Variants in WWOX observed in about 807,000 individuals in gnomAD.
WWOX encodes WW domain containing oxidoreductase, also known as WW domain-containing oxidoreductase.
In WWOX, 69 loss-of-function variants were observed where a neutral mutation model predicts 46.2. The ratio of observed to expected loss-of-function variants is 1.49; its 90% CI spans 1.23 to 1.82. The LOEUF is 1.82. Ranked by LOEUF, WWOX falls within the 40% of genes most tolerant of loss-of-function variation. WWOX has a pLI of 0.00. For missense variants in WWOX, 919 were observed against 542.6 expected (o/e 1.69, Z -6.89); for synonymous variants, 359 against 202.6 (o/e 1.77, Z -6.56).
rs367971157 is a variant in WWOX at position 79,144,620 on chromosome 16, TAGGG to T, written c.1057-66984_1057-66981del. On this transcript the variant is annotated intron_variant, in intron 8 of 8. Coordinates refer to ENST00000566780, the MANE Select transcript of WWOX (RefSeq NM_016373.4). ...ATCGAGTGGAAAAAGGAATATTTCT[TAGGG>T]AGGAAAAACCCGACTTTTGACTTTA... Among the ~76,000 whole-genome samples the T allele has an allele frequency of 2.2e-4, 33 of 152,300 alleles. No homozygotes were observed. In the East Asian group the frequency reaches 5.2e-3, roughly 24 times the overall value.
chr16:78,914,125 C>A (rs1469119173), intron 8 of WWOX, among the ~76,000 whole-genome samples: 1 of 152,058 alleles, frequency 6.6e-6, no homozygotes, highest in South Asian at 2.1e-4. Context: ...AGGAGTCTTT[C>A]CTGGCTATCC....
rs144353522 is a variant in WWOX, at chr16:79,023,279, A to G, written c.1057-188329A>G. ...TACTGTTCTCCCTTTGCATTTATGC[A>G]TTGCATGTCTCTGTTGAATTCAGAG... On this transcript the variant is annotated intron_variant, in intron 8 of 8. Coordinates refer to ENST00000566780, the MANE Select transcript of WWOX (RefSeq NM_016373.4). 3.3e-5 allele frequency among the ~76,000 whole-genome samples: 5 copies of G among 152,344 alleles called. No homozygotes were observed. The East Asian group carries it at 7.7e-4, about 24-fold the overall frequency.
intron 8 of WWOX, among the ~76,000 whole-genome samples, chr16:78,673,192 T>A (rs916569932): frequency 6.6e-6 from 1 of 152,118 alleles, no homozygotes; most frequent in Non-Finnish European, 1.5e-5. Flanking sequence ...TGAGGTGAGA[T>A]CAGTAGAAGA....
intron 4 of WWOX, among the ~76,000 whole-genome samples, chr16:78,121,529 A>T (rs989756501): frequency 1.3e-5 from 2 of 152,254 alleles, no homozygotes; most frequent in Non-Finnish European, 2.9e-5. Context: ...AATTTAAAAC[A>T]TTCTAATGAG....
Position 78,674,584 on chromosome 16 carries a change from C to T in WWOX, c.1056+241832C>T, listed in dbSNP as rs563871100. 1.2e-4 allele frequency among the ~76,000 whole-genome samples: 18 copies of T among 152,272 alleles called. No homozygotes were observed. In the South Asian group the frequency reaches 2.1e-3, roughly 18 times the overall value. Reference sequence around the variant, plus strand: ...ACAGGCTTGAGCCACAGCACCCAGCCAGAACTTCATAGTTTACTCTTATTA... The same window carrying T: ...ACAGGCTTGAGCCACAGCACCCAGCTAGAACTTCATAGTTTACTCTTATTA... On this transcript the variant is annotated intron_variant, in intron 8 of 8. Coordinates refer to ENST00000566780, the MANE Select transcript of WWOX (RefSeq NM_016373.4).
intron 5 of WWOX, among the ~76,000 whole-genome samples, chr16:78,245,772 C>T (rs981040090): frequency 2.0e-5 from 3 of 152,168 alleles, no homozygotes; most frequent in Non-Finnish European, 2.9e-5. Flanking sequence ...TTAGTTCTTG[C>T]GGTACAGCGC....
chr16:78,791,059 C>T (rs1160487592), intron 8 of WWOX, among the ~76,000 whole-genome samples: 1 of 143,126 alleles, frequency 7.0e-6, no homozygotes, highest in Admixed American at 7.0e-5. Flanking sequence ...AAAGGAAAAT[C>T]TTCGTTGTTC....
chr16:79,182,169 G>T (rs2050925383), intron 8 of WWOX, among the ~76,000 whole-genome samples: 1 of 151,900 alleles, frequency 6.6e-6, no homozygotes, highest in African/African-American at 2.4e-5. Flanking sequence ...GTTCTTTCTG[G>T]TGGTTCGTTT....
intron 8 of WWOX, among the ~76,000 whole-genome samples, chr16:79,172,262 C>G (rs896800688): frequency 6.6e-6 from 1 of 152,170 alleles, no homozygotes; most frequent in Non-Finnish European, 1.5e-5. Flanking sequence ...GTGTATATCC[C>G]ACAGCTTTGC....
chr16:78,831,477 C>G (rs537279029), intron 8 of WWOX, among the ~76,000 whole-genome samples: 1 of 152,272 alleles, frequency 6.6e-6, no homozygotes, highest in South Asian at 2.1e-4. Flanking sequence ...TGAGTTTATC[C>G]TGTGGCTTTG....
chr16:78,762,862 G>A (rs1198601464), intron 8 of WWOX, among the ~76,000 whole-genome samples: 3 of 152,152 alleles, frequency 2.0e-5, no homozygotes. Flanking sequence ...TAAATGCAAC[G>A]CTACTTTGAA....
chr16:78,593,165 C>T (rs1001837426), intron 8 of WWOX, among the ~76,000 whole-genome samples: 1 of 152,098 alleles, frequency 6.6e-6, no homozygotes, highest in African/African-American at 2.4e-5. Context: ...ACCTTGCTCC[C>T]CTGGAGTGTA....
At chr16:78,385,907 A>G (rs2082050159) in intron 5 of WWOX, among the ~76,000 whole-genome samples, 1 of 152,270 alleles carries the variant, frequency 6.6e-6, no homozygotes, top group African/African-American at 2.4e-5. Context: ...TCCGAAGCGC[A>G]CCCAGATTTA....
intron 5 of WWOX, among the ~76,000 whole-genome samples, chr16:78,168,727 C>T (rs9933973): frequency 0.024 from 3,709 of 152,250 alleles, 137 homozygotes; most frequent in African/African-American, 0.084. Context: ...TCTACCCTGT[C>T]GTCTCTTTAT....
chr16:78,915,957 T>G (rs1395789057), intron 8 of WWOX, among the ~76,000 whole-genome samples: 2 of 152,176 alleles, frequency 1.3e-5, no homozygotes, highest in African/African-American at 4.8e-5. Context: ...TGCCCAGAAA[T>G]GAAGGCCAAT....
At chr16:78,992,709 G>A (rs1363007932) in intron 8 of WWOX, among the ~76,000 whole-genome samples, 1 of 152,076 alleles carries the variant, frequency 6.6e-6, no homozygotes, top group African/African-American at 2.4e-5. Flanking sequence ...CACTTCATAT[G>A]CATTAGCTGG....
chr16:78,869,911 A>G (rs2044089985), intron 8 of WWOX, among the ~76,000 whole-genome samples: 1 of 152,194 alleles, frequency 6.6e-6, no homozygotes, highest in African/African-American at 2.4e-5. Flanking sequence ...CATTTGGAGA[A>G]CATGGGATTT....
chr16:78,830,769 G>C (rs1449888732), intron 8 of WWOX, among the ~76,000 whole-genome samples: 1 of 151,770 alleles, frequency 6.6e-6, no homozygotes, highest in East Asian at 2.0e-4. Context: ...CATCTGAGCA[G>C]CTCAGGGCCC....
intron 8 of WWOX, among the ~76,000 whole-genome samples, chr16:78,778,031 T>G (rs992870410): frequency 2.0e-4 from 24 of 119,866 alleles, no homozygotes; most frequent in African/African-American, 8.1e-4. Flanking sequence ...GGTGACAGAG[T>G]GAGACTCCAT....
Sources: allele counts gnomAD v4.1 joint callset (sites outside exome capture counted in the v4.1 genomes callset), GRCh38; gene constraint gnomAD v4.1.1; transcripts MANE v1.5; gene names NCBI Gene and HGNC (gene_info 2026-07-23, HGNC 2026-07-21).